Variants in VAT1L observed in about 807,000 individuals in gnomAD.
VAT1L encodes the protein vesicle amine transport 1 like.
Under a neutral mutation model 44.1 loss-of-function variants are expected in VAT1L, and 34 were observed. That is an observed-to-expected ratio of 0.77 (90% confidence interval 0.59 to 1.03). VAT1L has a LOEUF of 1.03. Ranked by LOEUF, VAT1L falls within the 50% of genes least tolerant of loss-of-function variation. The pLI is 0.00. For missense variants in VAT1L, 615 were observed against 538.8 expected (o/e 1.14, Z -1.40); for synonymous variants, 253 against 202.2 (o/e 1.25, Z -2.13).
intron 3 of VAT1L, among the ~76,000 whole-genome samples, chr16:77,833,584 C>G (rs1348672260): frequency 1.3e-5 from 2 of 152,000 alleles, no homozygotes; most frequent in African/African-American, 2.4e-5. Context: ...AACCCAGTCT[C>G]TACTACAAAT....
chr16:77,901,939 G>C (rs2017387994), intron 7 of VAT1L, among the ~76,000 whole-genome samples: 1 of 152,132 alleles, frequency 6.6e-6, no homozygotes, highest in South Asian at 2.1e-4. Context: ...CCGAGGAAGT[G>C]GCTGTCTTAA....
chr16:77,897,768 C>T (rs2017339582), intron 7 of VAT1L, among the ~76,000 whole-genome samples: 2 of 152,340 alleles, frequency 1.3e-5, no homozygotes, highest in South Asian at 4.1e-4. Context: ...AGCCACTGCG[C>T]CCAGCCCAAA....
At chr16:77,809,823 T>C (rs1385775801) in intron 1 of VAT1L, among the ~76,000 whole-genome samples, 2 of 152,222 alleles carry the variant, frequency 1.3e-5, no homozygotes, top group African/African-American at 4.8e-5. Flanking sequence ...GGATGTCAGC[T>C]AGTCTTGTGT....
At chr16:77,906,203 G>C (rs2017434987) in intron 7 of VAT1L, among the ~76,000 whole-genome samples, 3 of 152,204 alleles carry the variant, frequency 2.0e-5, no homozygotes, top group African/African-American at 7.2e-5. Flanking sequence ...AAGCCCCTTT[G>C]TTTTAATGTT....
chr16:77,960,556 C>T (rs1053767032), intron 7 of VAT1L, among the ~76,000 whole-genome samples: 3 of 152,268 alleles, frequency 2.0e-5, no homozygotes, highest in Non-Finnish European at 2.9e-5. Context: ...AGACCCATCA[C>T]AAGGCAGGAA....
At chr16:77,840,930 T>C (rs750573538) in intron 3 of VAT1L, among the ~76,000 whole-genome samples, 11 of 152,204 alleles carry the variant, frequency 7.2e-5, no homozygotes, top group Non-Finnish European at 1.3e-4. Context: ...AGAAGGCAAA[T>C]ATTCAAATTA....
chr16:77,946,176 T>C (rs984154066), intron 7 of VAT1L, among the ~76,000 whole-genome samples: 1 of 151,764 alleles, frequency 6.6e-6, no homozygotes, highest in Non-Finnish European at 1.5e-5. Context: ...TCTTGTACAC[T>C]CATAAGCATT....
intron 7 of VAT1L, chr16:77,892,524 A>AGAGC: frequency 1.8e-6 from 1 of 568,304 alleles, no homozygotes; most frequent in South Asian, 1.4e-5. Flanking sequence ...ACAGCAGAAA[A>AGAGC]ATTTCGTGCT....
intron 3 of VAT1L, among the ~76,000 whole-genome samples, chr16:77,850,227 C>A (rs1038569257): frequency 6.6e-6 from 1 of 152,222 alleles, no homozygotes; most frequent in African/African-American, 2.4e-5. Flanking sequence ...GAGCTTACAT[C>A]TCCTAAGCCC....
chr16:77,977,535 A>T, intron 8 of VAT1L, 62 bp from the exon 9 acceptor site: 1 of 1,540,078 alleles, frequency 6.5e-7, no homozygotes, highest in Non-Finnish European at 8.9e-7. Context: ...ACTCTGTCAG[A>T]TGCTCAGAGA....
intron 7 of VAT1L, among the ~76,000 whole-genome samples, chr16:77,926,478 A>T (rs1247121775): frequency 1.3e-5 from 2 of 151,246 alleles, no homozygotes; most frequent in Non-Finnish European, 2.9e-5. Flanking sequence ...CAGCTACTCA[A>T]GAGGCTGAGA....
intron 1 of VAT1L, among the ~76,000 whole-genome samples, chr16:77,805,459 C>G (rs1014795551): frequency 2.6e-5 from 4 of 152,206 alleles, no homozygotes; most frequent in African/African-American, 9.7e-5. Context: ...AATCAAACAT[C>G]TGCTTCTTTG....
At chr16:77,890,521 C>T (rs1016416429) in intron 7 of VAT1L, among the ~76,000 whole-genome samples, 21 of 152,302 alleles carry the variant, frequency 1.4e-4, no homozygotes, top group African/African-American at 4.8e-4. Flanking sequence ...AAGATTCACA[C>T]TTAGATACAG....
intron 7 of VAT1L, among the ~76,000 whole-genome samples, chr16:77,941,530 A>G (rs1111291): frequency 0.52 from 78,585 of 152,002 alleles, 20,734 homozygotes; most frequent in East Asian, 0.58. Flanking sequence ...TTGGATATAT[A>G]CACAGTAATG....
intron 3 of VAT1L, among the ~76,000 whole-genome samples, chr16:77,857,766 TACTC>T (rs35298968): frequency 0.15 from 23,234 of 150,182 alleles, 1,807 homozygotes; most frequent in Middle Eastern, 0.2. Context: ...CATTATCTAA[TACTC>T]ACATATTATA....
chr16:77,977,357 C>G (rs980658962), intron 8 of VAT1L, among the ~76,000 whole-genome samples: 1 of 152,180 alleles, frequency 6.6e-6, no homozygotes, highest in African/African-American at 2.4e-5. Context: ...TTCTTCACTC[C>G]CCTGCTACTG....
chr16:77,944,123 G>T (rs1480192370), intron 7 of VAT1L, among the ~76,000 whole-genome samples: 1 of 152,114 alleles, frequency 6.6e-6, no homozygotes, highest in Non-Finnish European at 1.5e-5. Flanking sequence ...GTATGACTGG[G>T]ATCTAGTGAA....
intron 4 of VAT1L, among the ~76,000 whole-genome samples, chr16:77,874,499 C>T (rs2017066934): frequency 1.3e-5 from 2 of 152,124 alleles, no homozygotes; most frequent in African/African-American, 4.8e-5. Context: ...TTTCATACTC[C>T]AGCCACACTG....
intron 3 of VAT1L, among the ~76,000 whole-genome samples, chr16:77,830,224 T>C (rs1431706440): frequency 6.6e-6 from 1 of 152,160 alleles, no homozygotes; most frequent in East Asian, 1.9e-4. Context: ...AGTAGCAAAA[T>C]TTGAAGCTCT....
Sources: allele counts gnomAD v4.1 joint callset (sites outside exome capture counted in the v4.1 genomes callset), GRCh38; gene constraint gnomAD v4.1.1; transcripts MANE v1.5; gene names NCBI Gene and HGNC (gene_info 2026-07-23, HGNC 2026-07-21).